SGCD: variants seen among roughly 807,000 people sequenced by gnomAD.
The protein encoded by SGCD is delta-sarcoglycan.
In SGCD, 18 loss-of-function variants were observed where a neutral mutation model predicts 36.6. The observed-to-expected ratio is 0.49, with a 90% confidence interval of 0.34 to 0.73. The LOEUF (loss-of-function observed/expected upper bound fraction) is 0.73, where lower values mean the gene tolerates loss of function less well. Among genes scored for constraint, SGCD ranks in the 30% least tolerant of loss-of-function variants. SGCD has a pLI of 0.01. For synonymous variants in SGCD, 133 were observed against 130.6 expected, an observed-to-expected ratio of 1.02 and a Z score of -0.12; for missense variants, 387 against 346.7, an observed-to-expected ratio of 1.12 and a Z score of -0.92.
At chr5:156,580,100 G>T (rs1271409433) in intron 4 of SGCD, among the ~76,000 whole-genome samples, 1 of 152,114 alleles carries the variant, frequency 6.6e-6, no homozygotes, top group African/African-American at 2.4e-5. Flanking sequence ...CTCTTGTAAG[G>T]CAGGCCTGGT....
intron 7 of SGCD, among the ~76,000 whole-genome samples, chr5:156,716,785 C>T (rs1227131533): frequency 6.6e-6 from 1 of 152,160 alleles, no homozygotes; most frequent in Non-Finnish European, 1.5e-5. Context: ...AGAAACACAG[C>T]CCATCCCCTG....
intron 1 of SGCD, among the ~76,000 whole-genome samples, chr5:155,941,522 C>T (rs1292113821): frequency 6.6e-6 from 1 of 150,580 alleles, no homozygotes; most frequent in African/African-American, 2.4e-5. Context: ...AATTATATTG[C>T]TATTAATAAC....
intron 3 of SGCD, among the ~76,000 whole-genome samples, chr5:156,365,571 G>A (rs1770052029): frequency 6.6e-6 from 1 of 152,078 alleles, no homozygotes; most frequent in African/African-American, 2.4e-5. Flanking sequence ...GAGTTCATCT[G>A]CACTACAGTT....
chr5:155,873,286 TA>T (rs972343891), intron 1 of SGCD, among the ~76,000 whole-genome samples: 2 of 151,926 alleles, frequency 1.3e-5, no homozygotes, highest in Admixed American at 6.6e-5. Context: ...ATACATTTTT[TA>T]AAAAAAAGTT....
intron 4 of SGCD, among the ~76,000 whole-genome samples, chr5:156,532,586 G>A (rs1007996486): frequency 2.0e-5 from 3 of 152,038 alleles, no homozygotes; most frequent in African/African-American, 4.8e-5. Flanking sequence ...TCAGCCTCCC[G>A]AGTAGCTAGA....
intron 1 of SGCD, among the ~76,000 whole-genome samples, chr5:155,941,649 TA>T (rs1757330184): frequency 6.6e-6 from 1 of 151,858 alleles, no homozygotes; most frequent in African/African-American, 2.4e-5. Context: ...TACATTACTA[TA>T]GTACTAAGGT....
At chr5:156,311,981 G>C (rs1767401608) in intron 3 of SGCD, among the ~76,000 whole-genome samples, 1 of 152,122 alleles carries the variant, frequency 6.6e-6, no homozygotes, top group African/African-American at 2.4e-5. Context: ...TGAATGTAAA[G>C]TAACAGTTCC....
chr5:155,982,195 T>C (rs2127562381), intron 1 of SGCD, among the ~76,000 whole-genome samples: 1 of 152,298 alleles, frequency 6.6e-6, no homozygotes, highest in East Asian at 1.9e-4. Context: ...TCCTTCTCTG[T>C]GTTTTTGATA....
chr5:155,966,831 ACT>A (rs1206631374), intron 1 of SGCD, among the ~76,000 whole-genome samples: 2 of 152,050 alleles, frequency 1.3e-5, no homozygotes, highest in Non-Finnish European at 2.9e-5. Context: ...ATGTTAATGA[ACT>A]TCGTATGGTT....
Position 156,629,303 on chromosome 5 carries a change from A to G in SGCD, c.503-18161A>G, listed in dbSNP as rs1253199333. 2.6e-5 allele frequency among the ~76,000 whole-genome samples: 4 copies of G among 152,192 alleles called. No individual in the cohort carries two copies. The East Asian group carries it at 7.7e-4, about 29-fold the overall frequency. On this transcript the variant is annotated intron_variant, in intron 6 of 8. Transcript: ENST00000337851. ...AGACTTGAGCAGGATTGCTGATAGT[A>G]CTGGGGACATAATAAGGTGATAATA...
intron 7 of SGCD, among the ~76,000 whole-genome samples, chr5:156,731,263 T>C (rs916538145): frequency 2.6e-5 from 4 of 152,230 alleles, no homozygotes; most frequent in Admixed American, 1.3e-4. Context: ...TTTAATTAGA[T>C]CTCATTTGTC....
chr5:155,919,003 G>T (rs1193678510), intron 1 of SGCD, among the ~76,000 whole-genome samples: 1 of 152,210 alleles, frequency 6.6e-6, no homozygotes, highest in African/African-American at 2.4e-5. Flanking sequence ...GATATGCATT[G>T]TTTCCATAGA....
intron 2 of SGCD, among the ~76,000 whole-genome samples, chr5:156,336,995 ATGT>A (rs1182446358): frequency 2.6e-5 from 4 of 152,342 alleles, no homozygotes; most frequent in East Asian, 3.9e-4. Context: ...TAAGAAGCAA[ATGT>A]TGTTACATCA....
chr5:155,775,474 C>G, the SGCD span, among the ~76,000 whole-genome samples: 1 of 152,114 alleles, frequency 6.6e-6, no homozygotes. Context: ...AGTGCTGATA[C>G]TCAAACATAC....
At chr5:156,365,983 G>A (rs1282533413) in intron 3 of SGCD, among the ~76,000 whole-genome samples, 1 of 152,156 alleles carries the variant, frequency 6.6e-6, no homozygotes, top group African/African-American at 2.4e-5. Flanking sequence ...CTGTAAGCAA[G>A]AGAAGGTACA....
At chr5:155,768,709 A>T in the SGCD span, among the ~76,000 whole-genome samples, 3 of 152,092 alleles carry the variant, frequency 2.0e-5, no homozygotes, top group African/African-American at 7.2e-5. Context: ...GCCAGGAGAG[A>T]TGAATGTTGT....
the SGCD span, among the ~76,000 whole-genome samples, chr5:155,733,542 A>C: frequency 6.6e-6 from 1 of 152,148 alleles, no homozygotes; most frequent in South Asian, 2.1e-4. Flanking sequence ...TCTCTGATAC[A>C]TGTATTTTAA....
rs370041027 is a variant in SGCD, at chr5:156,524,184, C to CTATATATA, written c.294+15499_294+15506dup. Among the ~76,000 whole-genome samples the CTATATATA allele has an allele frequency of 7.0e-3, 526 of 75,212 alleles. 11 individuals carry two copies. Among genetic ancestry groups the CTATATATA allele is most frequent in the African/African-American group, 0.018 (345 of 19,594 alleles). 49.3% of individuals were successfully genotyped at this position (75,212 alleles called of 152,430 possible). A position where few individuals can be genotyped will look rare whatever the true frequency, so the allele number is the denominator to read the frequency against. On this transcript the variant is annotated intron_variant, in intron 4 of 8. Transcript: ENST00000337851. ...AAACTACAGTTTTATATAGGTCTTA[C>CTATATATA]TATATATATATATATATATATATAG...
chr5:156,571,379 G>A (rs1009983076), intron 4 of SGCD, among the ~76,000 whole-genome samples: 1 of 151,492 alleles, frequency 6.6e-6, no homozygotes, highest in Non-Finnish European at 1.5e-5. Context: ...TATTTTTTTT[G>A]GTCTTTCTTT....
Sources: allele counts gnomAD v4.1 joint callset (sites outside exome capture counted in the v4.1 genomes callset), GRCh38; gene constraint gnomAD v4.1.1; transcripts MANE v1.5; gene names NCBI Gene and HGNC (gene_info 2026-07-23, HGNC 2026-07-21).